Variants in TSNARE1 observed in about 807,000 individuals in gnomAD.
TSNARE1 encodes the protein t-SNARE domain-containing protein 1.
Under a neutral mutation model 62.0 loss-of-function variants are expected in TSNARE1, and 49 were observed. The ratio of observed to expected loss-of-function variants is 0.79; its 90% CI spans 0.63 to 1.00. The LOEUF (loss-of-function observed/expected upper bound fraction) is 1.00. Ranked by LOEUF, TSNARE1 falls within the 50% of genes least tolerant of loss-of-function variation. The pLI is 0.00. For synonymous variants in TSNARE1, 328 were observed against 294.4 expected (o/e 1.11, Z -1.17); for missense variants, 755 against 700.1 (o/e 1.08, Z -0.88).
intron 1 of TSNARE1, among the ~76,000 whole-genome samples, chr8:142,375,483 T>C (rs1836261981): frequency 6.6e-6 from 1 of 152,200 alleles, no homozygotes. Flanking sequence ...TGGCAGGACA[T>C]GCCCTGGGGC....
chr8:142,283,110 CTGTCTGTCAATGAGCAGAGGCGGGGCCAG>C (rs1821940654), intron 11 of TSNARE1, among the ~76,000 whole-genome samples: 1 of 104,324 alleles, frequency 9.6e-6, no homozygotes, highest in African/African-American at 3.9e-5. Context: ...GGGGAGGCCA[CTGTCTGTCAATGAGCAGAGGCGGGGCCAG>C]TGTCTGTCAA....
chr8:142,213,596 G>T (rs912044330), intron 13 of TSNARE1, among the ~76,000 whole-genome samples: 4 of 152,148 alleles, frequency 2.6e-5, no homozygotes, highest in Non-Finnish European at 5.9e-5. Context: ...ACTCCCTGCG[G>T]CCAGGAGCAA....
intron 10 of TSNARE1, among the ~76,000 whole-genome samples, chr8:142,285,766 G>T (rs1349100404): frequency 6.6e-6 from 1 of 152,176 alleles, no homozygotes; most frequent in African/African-American, 2.4e-5. Context: ...CCGGCATACT[G>T]TGCTGGCCTC....
intron 12 of TSNARE1, chr8:142,270,039 C>G: frequency 1.0e-6 from 1 of 985,462 alleles, no homozygotes; most frequent in Non-Finnish European, 1.2e-6. Context: ...TCAAGCCAGT[C>G]AGCCAGCATC....
At chr8:142,221,297 A>G (rs1816199125) in intron 13 of TSNARE1, among the ~76,000 whole-genome samples, 1 of 152,252 alleles carries the variant, frequency 6.6e-6, no homozygotes, top group African/African-American at 2.4e-5. Context: ...TAGCCAGCGC[A>G]AGTCTGCCAC....
At chr8:142,279,960 G>T (rs1296536388) in intron 11 of TSNARE1, 2 of 1,110,300 alleles carry the variant, frequency 1.8e-6, no homozygotes, top group Non-Finnish European at 2.2e-6. Context: ...GGCCGGGGGC[G>T]GGGCCGCCCT....
At chr8:142,254,998 T>C (rs12548983) in intron 12 of TSNARE1, among the ~76,000 whole-genome samples, 77,061 of 151,906 alleles carry the variant, frequency 0.51, 21,090 homozygotes, top group African/African-American at 0.71. Context: ...TTTGGGGGGA[T>C]AGACTTGAGC....
chr8:142,303,510 C>T (rs1563869068), intron 9 of TSNARE1, among the ~76,000 whole-genome samples: 8 of 152,224 alleles, frequency 5.3e-5, no homozygotes, highest in Admixed American at 5.2e-4. Context: ...CGGAGGGCTC[C>T]GCCCCGTCTC....
At chr8:142,223,950 G>C (rs1816659209) in intron 13 of TSNARE1, among the ~76,000 whole-genome samples, 2 of 4,374 alleles carry the variant, frequency 4.6e-4, no homozygotes, top group Non-Finnish European at 1.5e-3. Flanking sequence ...CCCAGGGGAG[G>C]GCTTTCTGCC....
At chr8:142,215,330 C>T (rs1300655198) in intron 13 of TSNARE1, among the ~76,000 whole-genome samples, 1 of 152,138 alleles carries the variant, frequency 6.6e-6, no homozygotes, top group Non-Finnish European at 1.5e-5. Flanking sequence ...TCAGCGTGCC[C>T]CTCAACACAA....
intron 13 of TSNARE1, among the ~76,000 whole-genome samples, chr8:142,223,313 C>CTCATTCACTCACTCGT (rs1248245417): frequency 0.58 from 36,090 of 62,210 alleles, 12,196 homozygotes; most frequent in African/African-American, 0.65. Context: ...CACTCATTCA[C>CTCATTCACTCACTCGT]TCACTCATTC....
At chr8:142,214,646 G>A (rs890277252) in intron 13 of TSNARE1, among the ~76,000 whole-genome samples, 9 of 152,176 alleles carry the variant, frequency 5.9e-5, no homozygotes, top group Admixed American at 5.9e-4. Flanking sequence ...TACGGTCTGA[G>A]TGCTTGTGTT....
chr8:142,306,383 G>A (rs1826671539), intron 9 of TSNARE1, among the ~76,000 whole-genome samples: 1 of 152,226 alleles, frequency 6.6e-6, no homozygotes, highest in Admixed American at 6.5e-5. Flanking sequence ...GTAGGCTGAG[G>A]TGGCCAGTGA....
At chr8:142,230,509 T>C (rs1465825009) in intron 12 of TSNARE1, among the ~76,000 whole-genome samples, 1 of 151,674 alleles carries the variant, frequency 6.6e-6, no homozygotes, top group African/African-American at 2.4e-5. Context: ...AGAGGATGGG[T>C]AGAAAAGAGA....
Position 142,400,276 on chromosome 8 carries a change from C to T in TSNARE1, c.-40+2828G>A, listed in dbSNP as rs188475463. Reference sequence around the variant, plus strand: ...CCTAGCCAACATGGTGAAACCCCGTCTCTATTTAAAATACAAAACATTAGC... The same window carrying T: ...CCTAGCCAACATGGTGAAACCCCGTTTCTATTTAAAATACAAAACATTAGC... On this transcript the variant is annotated intron_variant, in intron 1 of 13. Coordinates refer to ENST00000524325, the MANE Select transcript of TSNARE1 (RefSeq NM_145003.5). Among the ~76,000 whole-genome samples, 492 of 151,968 alleles carry T rather than the reference C, an allele frequency of 3.2e-3. 1 individual carries two copies. The highest frequency in any genetic ancestry group is 4.9e-3 in the Non-Finnish European group (333 of 67,984).
At chr8:142,217,188 G>A (rs1815879663) in intron 13 of TSNARE1, among the ~76,000 whole-genome samples, 1 of 151,686 alleles carries the variant, frequency 6.6e-6, no homozygotes, top group Admixed American at 6.6e-5. Flanking sequence ...AGGTTGCAGT[G>A]AGCCGAGATA....
At chr8:142,263,332 G>T (rs1818981213) in intron 12 of TSNARE1, among the ~76,000 whole-genome samples, 1 of 152,142 alleles carries the variant, frequency 6.6e-6, no homozygotes, top group Admixed American at 6.5e-5. Context: ...TAGGTTTCCT[G>T]TTGATTAAAT....
chr8:142,354,302 T>C (rs1003289822), intron 2 of TSNARE1, among the ~76,000 whole-genome samples: 18 of 152,156 alleles, frequency 1.2e-4, no homozygotes, highest in African/African-American at 3.9e-4. Flanking sequence ...CACACCGTCA[T>C]TAGGAAGGCC....
intron 1 of TSNARE1, among the ~76,000 whole-genome samples, chr8:142,372,096 G>A (rs1563995966): frequency 6.6e-6 from 1 of 152,204 alleles, no homozygotes; most frequent in Admixed American, 6.5e-5. Context: ...TCTGAATTCT[G>A]CTTGGCAGAC....
Sources: allele counts gnomAD v4.1 joint callset (sites outside exome capture counted in the v4.1 genomes callset), GRCh38; gene constraint gnomAD v4.1.1; transcripts MANE v1.5; gene names NCBI Gene and HGNC (gene_info 2026-07-23, HGNC 2026-07-21).